Variants in FHIT observed in about 807,000 individuals in gnomAD.
The protein encoded by FHIT is bis(5'-adenosyl)-triphosphatase.
In FHIT, 19 loss-of-function variants were observed where a neutral mutation model predicts 17.9. The ratio of observed to expected loss-of-function variants is 1.06; its 90% CI spans 0.74 to 1.56. The LOEUF (loss-of-function observed/expected upper bound fraction) is 1.56. Among genes scored for constraint, FHIT ranks in the 40% most tolerant of loss-of-function variants. The pLI, the probability that FHIT is intolerant of heterozygous loss-of-function variation, is 0.00. For missense variants in FHIT, 248 were observed against 189.2 expected (o/e 1.31, Z -1.82); for synonymous variants, 81 against 69.7 (o/e 1.16, Z -0.81).
At chr3:60,232,278 T>C (rs545860692) in intron 5 of FHIT, among the ~76,000 whole-genome samples, 1 of 152,262 alleles carries the variant, frequency 6.6e-6, no homozygotes, top group East Asian at 1.9e-4. Context: ...ACTTTTCAGA[T>C]TTACTCATCT....
intron 4 of FHIT, among the ~76,000 whole-genome samples, chr3:60,817,183 A>C (rs1701769714): frequency 6.6e-6 from 1 of 152,200 alleles, no homozygotes; most frequent in Non-Finnish European, 1.5e-5. Context: ...CTATAAAGTC[A>C]TATGGATTAC....
intron 3 of FHIT, among the ~76,000 whole-genome samples, chr3:60,862,359 G>T (rs556985795): frequency 1.3e-5 from 2 of 151,710 alleles, no homozygotes; most frequent in African/African-American, 4.8e-5. Flanking sequence ...ATAGAGACGC[G>T]GTCTCACTTT....
intron 5 of FHIT, among the ~76,000 whole-genome samples, chr3:60,455,028 G>T (rs7620217): frequency 6.6e-6 from 1 of 151,726 alleles, no homozygotes; most frequent in African/African-American, 2.4e-5. Context: ...CTATATTATA[G>T]TATGAGTACC....
intron 4 of FHIT, among the ~76,000 whole-genome samples, chr3:60,657,438 C>T (rs1204746210): frequency 6.6e-6 from 1 of 152,132 alleles, no homozygotes; most frequent in Non-Finnish European, 1.5e-5. Flanking sequence ...AAAATGAGCT[C>T]CTTGTCCTGG....
At chr3:61,057,180 A>G (rs1300740087) in intron 2 of FHIT, among the ~76,000 whole-genome samples, 1 of 152,270 alleles carries the variant, frequency 6.6e-6, no homozygotes, top group Non-Finnish European at 1.5e-5. Flanking sequence ...TTAATGCAAT[A>G]TTCCTCATTT....
At chr3:59,949,189 CA>C (rs1252186254) in intron 7 of FHIT, among the ~76,000 whole-genome samples, 6 of 152,226 alleles carry the variant, frequency 3.9e-5, no homozygotes, top group Non-Finnish European at 8.8e-5. Context: ...AGTCCTTCAT[CA>C]GTAACTTTTT....
intron 8 of FHIT, among the ~76,000 whole-genome samples, chr3:59,794,259 C>T (rs1042546637): frequency 6.6e-6 from 1 of 152,192 alleles, no homozygotes; most frequent in Non-Finnish European, 1.5e-5. Flanking sequence ...ACGTTTTGCA[C>T]TGAAGCTTTC....
chr3:60,892,071 T>C (rs963550776), intron 3 of FHIT, among the ~76,000 whole-genome samples: 1 of 152,200 alleles, frequency 6.6e-6, no homozygotes, highest in Non-Finnish European at 1.5e-5. Flanking sequence ...TGCCAGAGTA[T>C]GTTCAAATCA....
At chr3:60,502,323 G>A (rs1576771123) in intron 5 of FHIT, among the ~76,000 whole-genome samples, 2 of 152,114 alleles carry the variant, frequency 1.3e-5, no homozygotes, top group Middle Eastern at 3.4e-3. Context: ...GGAAGACCTG[G>A]GCCACCATGA....
At chr3:59,980,079 C>G (rs1708586082) in intron 7 of FHIT, among the ~76,000 whole-genome samples, 1 of 152,148 alleles carries the variant, frequency 6.6e-6, no homozygotes, top group African/African-American at 2.4e-5. Flanking sequence ...AAAAGATATT[C>G]TAAAACACCA....
chr3:60,360,452 G>A (rs1699859652), intron 5 of FHIT, among the ~76,000 whole-genome samples: 1 of 152,106 alleles, frequency 6.6e-6, no homozygotes, highest in African/African-American at 2.4e-5. Flanking sequence ...ATTCAGCCTA[G>A]AAGAATGTTA....
chr3:61,205,820 T>C (rs901649922), intron 1 of FHIT, among the ~76,000 whole-genome samples: 9 of 151,678 alleles, frequency 5.9e-5, no homozygotes, highest in African/African-American at 1.9e-4. Context: ...TGCTTTAGTT[T>C]AATTAGATCC....
At position 60,343,550 on chromosome 3, in the gene FHIT, A is replaced by G. The variant is rs527272760; in HGVS notation, c.103+193310T>C. On this transcript the variant is annotated intron_variant, in intron 5 of 9. Coordinates refer to ENST00000492590, the MANE Select transcript of FHIT (RefSeq NM_002012.4). ...TGGTGTATTAAATATTCCTAACACC[A>G]CTTTCCCCAGATATGCTACTAATAC... Among the ~76,000 whole-genome samples the G allele has an allele frequency of 3.3e-5, 5 of 152,222 alleles. No homozygotes were observed. The East Asian group carries it at 9.7e-4, about 29-fold the overall frequency.
chr3:60,143,912 T>C (rs1468060913), intron 5 of FHIT, among the ~76,000 whole-genome samples: 1 of 151,940 alleles, frequency 6.6e-6, no homozygotes, highest in East Asian at 1.9e-4. Context: ...ATAAGCAAAA[T>C]TAACTGGGAG....
chr3:60,851,746 TA>T (rs1342903497), intron 3 of FHIT, among the ~76,000 whole-genome samples: 7 of 152,142 alleles, frequency 4.6e-5, no homozygotes, highest in African/African-American at 1.7e-4. Flanking sequence ...ATAGACAGAT[TA>T]TTATATTCAG....
chr3:60,801,042 A>G (rs551360281), intron 4 of FHIT, among the ~76,000 whole-genome samples: 68 of 152,176 alleles, frequency 4.5e-4, no homozygotes, highest in Admixed American at 9.2e-4. Context: ...GGGAAATACA[A>G]TATAAGTATA....
intron 4 of FHIT, among the ~76,000 whole-genome samples, chr3:60,754,137 T>A (rs1186342087): frequency 1.3e-5 from 2 of 152,202 alleles, no homozygotes; most frequent in African/African-American, 4.8e-5. Context: ...CTTACCAGGA[T>A]AAGAAAACTT....
chr3:60,506,735 T>C (rs779812571), intron 5 of FHIT, among the ~76,000 whole-genome samples: 2 of 152,116 alleles, frequency 1.3e-5, no homozygotes, highest in African/African-American at 2.4e-5. Flanking sequence ...TAGGGGCTGC[T>C]TCTTCAGCCT....
At chr3:60,108,623 G>A (rs992360773) in intron 5 of FHIT, among the ~76,000 whole-genome samples, 3 of 151,656 alleles carry the variant, frequency 2.0e-5, no homozygotes, top group African/African-American at 2.4e-5. Context: ...TATACCTTGT[G>A]CTTAGCATTT....
Sources: gnomAD v4.1 joint callset for allele counts (sites outside exome capture counted in the v4.1 genomes callset) on GRCh38, gnomAD v4.1.1 for gene constraint, MANE v1.5 for transcripts, NCBI Gene and HGNC (gene_info 2026-07-23, HGNC 2026-07-21) for gene names.